Variants in ERVV-2 observed in about 807,000 individuals in gnomAD.
ERVV-2 encodes the protein endogenous retrovirus group V member 2, envelope.
For synonymous variants in ERVV-2, 105 were observed against 184.6 expected (o/e 0.57, Z 3.49); for missense variants, 291 against 495.1 (o/e 0.59, Z 3.91).
intron 1 of ERVV-2, 48 bp from the exon 2 acceptor site, chr19:53,048,819 C>T (rs778814928): frequency 4.8e-5 from 13 of 273,670 alleles, no homozygotes; most frequent in Non-Finnish European, 8.2e-5. Flanking sequence ...TGGGTCTCAA[C>T]TCCCTTATGG....
chr19:53,044,867 A>C lies in ERVV-2; in HGVS notation c.-477A>C, dbSNP rs1181215696. ...TTCTGCGCATCTCTTGACTGAATCC[A>C]AGAAGACCAAGAACCAGAGGACTTC... On this transcript the variant is annotated 5_prime_UTR_variant, in exon 1 of 2. Transcript: ENST00000601417. The C allele has an allele frequency of 3.3e-5, 5 of 152,114 alleles. No individual in the cohort carries two copies. Among genetic ancestry groups the C allele is most frequent in the Admixed American group, 3.3e-4 (5 of 15,260 alleles). 9.4% of individuals were successfully genotyped at this position (152,114 alleles called of 1,614,324 possible).
chr19:53,050,842 G>A lies in ERVV-2; in HGVS notation c.1591G>A (p.Glu531Lys). The A allele has an allele frequency of 2.6e-6, 4 of 1,532,148 alleles. No homozygotes were observed. Among genetic ancestry groups the A allele is most frequent in the Non-Finnish European group, 3.5e-6 (4 of 1,145,374 alleles). The allele number at this position is 1,532,148 out of a possible 1,614,324, so 94.9% of individuals were successfully genotyped here. A position where few individuals can be genotyped will look rare whatever the true frequency, so the allele number is the denominator to read the frequency against. The change falls in exon 2 of 2, where the codon GAG becomes AAG. Residue 531 changes from glutamate (E) to lysine (K), a missense_variant. By Grantham distance (56) the Glu-to-Lys change is moderately conservative (BLOSUM62 1). Coordinates refer to ENST00000601417, the MANE Select transcript of ERVV-2 (RefSeq NM_001191055.2). ...TGGGCAAAGATTCCGGGAAACTATGGAGGAATTTTCTCTCTGAGACAGAGC... is the reference window on the plus strand; with the variant it reads ...TGGGCAAAGATTCCGGGAAACTATGAAGGAATTTTCTCTCTGAGACAGAGC... Reference protein sequence around the residue: ...ASGQRFRETMEEFSL With the variant: ...ASGQRFRETMKEFSL
intron 1 of ERVV-2, among the ~76,000 whole-genome samples, chr19:53,046,447 G>A (rs1418775602): frequency 1.3e-5 from 2 of 152,162 alleles, no homozygotes; most frequent in African/African-American, 4.8e-5. Context: ...ATGGGCCACA[G>A]GAGACTGCTT....
intron 1 of ERVV-2, among the ~76,000 whole-genome samples, chr19:53,045,592 C>T (rs957806700): frequency 6.6e-6 from 1 of 152,102 alleles, no homozygotes; most frequent in Non-Finnish European, 1.5e-5. Flanking sequence ...TGAGCCACTG[C>T]GACCGGCGCA....
chr19:53,048,810 G>A (rs2083900514), intron 1 of ERVV-2, 57 bp from the exon 2 acceptor site: 1 of 263,626 alleles, frequency 3.8e-6, no homozygotes, highest in Non-Finnish European at 7.1e-6. Flanking sequence ...TGGGTCATCT[G>A]GGTCTCAACT....
chr19:53,048,766 A>G (rs2083900399), intron 1 of ERVV-2, 101 bp from the exon 2 acceptor site: 1 of 226,694 alleles, frequency 4.4e-6, no homozygotes, highest in Non-Finnish European at 8.6e-6. Flanking sequence ...ATCAACACCC[A>G]TTATACCAAC....
intron 1 of ERVV-2, among the ~76,000 whole-genome samples, chr19:53,047,512 G>T: frequency 6.6e-6 from 1 of 152,178 alleles, no homozygotes; most frequent in Admixed American, 6.5e-5. Context: ...AGAGTGGAAG[G>T]CATCACTGCT....
Position 53,049,028 on chromosome 19 carries a change from G to A in ERVV-2, c.-224G>A. 1.5e-6 allele frequency: 1 copy of A among 654,470 alleles called. No homozygotes were observed. The highest frequency in any genetic ancestry group is 2.0e-5 in the South Asian group (1 of 49,900). The allele number at this position is 654,470 out of a possible 1,614,324, so 40.5% of individuals were successfully genotyped here. Reference sequence around the variant, plus strand: ...CACTTCAAGTGAAAAGATAAGTAAAGCCTTCTCTCTGTTCACCCAAAACTA... The same window carrying A: ...CACTTCAAGTGAAAAGATAAGTAAAACCTTCTCTCTGTTCACCCAAAACTA... On this transcript the variant is annotated 5_prime_UTR_variant, in exon 2 of 2. Transcript: ENST00000601417.
At chr19:53,045,816 G>A (rs2083888794) in intron 1 of ERVV-2, among the ~76,000 whole-genome samples, 1 of 152,110 alleles carries the variant, frequency 6.6e-6, no homozygotes, top group African/African-American at 2.4e-5. Flanking sequence ...TCCAGGACCT[G>A]CTGCGTTTGC....
rs1254247078 is a variant in ERVV-2, at chr19:53,050,701, T to G, written c.1450T>G (p.Cys484Gly). 3.3e-6 allele frequency: 5 copies of G among 1,531,794 alleles called. No individual in the cohort carries two copies. The allele number at this position is 1,531,794 out of a possible 1,614,324, so 94.9% of individuals were successfully genotyped here. ...GPCFFNLLIK[C>G]VSSRIKQFHM... ...TTGTTTCTTTAATTTACTGATTAAG[T>G]GTGTCTCTTCTAGGATAAAGCAATT... Residue 484 changes from cysteine (C) to glycine (G), a missense_variant, in exon 2 of 2, where the codon TGT becomes GGT. By Grantham distance (159) the Cys-to-Gly change is radical. Transcript: ENST00000601417.
At position 53,051,013 on chromosome 19, in the gene ERVV-2, A is replaced by AGGCAGGCAGGTAG. The variant is rs377342587; in HGVS notation, c.*155_*156insGCAGGCAGGTAGG. ...TAGGGTAGGCAGGTAGGCAGGCATG[A>AGGCAGGCAGGTAG]GCAGGCAAGAGAGCCCTTGGGAAAG... On this transcript the variant is annotated 3_prime_UTR_variant, in exon 2 of 2. Coordinates refer to ENST00000601417, the MANE Select transcript of ERVV-2 (RefSeq NM_001191055.2). 5 of 705,144 alleles carry AGGCAGGCAGGTAG rather than the reference A, an allele frequency of 7.1e-6. No homozygotes were observed. In the Admixed American group the frequency reaches 1.6e-4, roughly 22 times the overall value. The allele number at this position is 705,144 out of a possible 1,614,324, so 43.7% of individuals were successfully genotyped here.
In ERVV-2 at chr19:53,050,813, C is replaced by T. The variant is rs2083910396; in HGVS notation, c.1562C>T (p.Ala521Val). The T allele has an allele frequency of 6.5e-7, 1 of 1,535,012 alleles. No homozygotes were observed. Among genetic ancestry groups the T allele is most frequent in the Admixed American group, 2.0e-5 (1 of 50,768 alleles). The change falls in exon 2 of 2, where the codon GCC becomes GTC. Residue 521 changes from alanine (A) to valine (V), a missense_variant. By Grantham distance (64) the Ala-to-Val change is moderately conservative. Transcript: ENST00000601417. ...TATAAGCACATCTCCCCCTTGGATG[C>T]CAGTGGGCAAAGATTCCGGGAAACT... ...STYKHISPLDASGQRFRETME... is the reference protein window; with the variant it reads ...STYKHISPLDVSGQRFRETME...
chr19:53,045,118 T>C lies in ERVV-2; in HGVS notation c.-386+160T>C, dbSNP rs571666902. ...AACGACTGCCCAGTACCATTTCCCTTCAGCCACTGTCACTCTGCTCCCTCT... is the reference window on the plus strand; with the variant it reads ...AACGACTGCCCAGTACCATTTCCCTCCAGCCACTGTCACTCTGCTCCCTCT... On this transcript the variant is annotated intron_variant, in intron 1 of 1. Transcript: ENST00000601417. Among the ~76,000 whole-genome samples the C allele has an allele frequency of 6.6e-5, 10 of 152,308 alleles. No individual in the cohort carries two copies. In the East Asian group the frequency reaches 1.9e-3, roughly 29 times the overall value.
Position 53,049,035 on chromosome 19 carries a change from C to G in ERVV-2, c.-217C>G. 1.5e-6 allele frequency: 1 copy of G among 673,562 alleles called. No homozygotes were observed. The highest frequency in any genetic ancestry group is 2.0e-5 in the South Asian group (1 of 50,366). 41.7% of individuals were successfully genotyped at this position (673,562 alleles called of 1,614,324 possible). A position where few individuals can be genotyped will look rare whatever the true frequency, so the allele number is the denominator to read the frequency against. ...AGTGAAAAGATAAGTAAAGCCTTCT[C>G]TCTGTTCACCCAAAACTAAAGTCAA... On this transcript the variant is annotated 5_prime_UTR_variant, in exon 2 of 2. Coordinates refer to ENST00000601417, the MANE Select transcript of ERVV-2 (RefSeq NM_001191055.2).
intron 1 of ERVV-2, among the ~76,000 whole-genome samples, chr19:53,047,986 G>C (rs1284648473): frequency 1.3e-5 from 2 of 152,138 alleles, no homozygotes; most frequent in Admixed American, 6.6e-5. Flanking sequence ...AAATCTTCAT[G>C]ATCTCGTGGG....
chr19:53,045,602 A>G (rs1039166423), intron 1 of ERVV-2, among the ~76,000 whole-genome samples: 1 of 152,114 alleles, frequency 6.6e-6, no homozygotes, highest in African/African-American at 2.4e-5. Flanking sequence ...CGACCGGCGC[A>G]TATCTTTTAA....
In ERVV-2 at chr19:53,044,809, T is replaced by TC. The variant is rs1381763659; in HGVS notation, c.-534dup. 2 of 152,116 alleles carry TC rather than the reference T, an allele frequency of 1.3e-5. No individual in the cohort carries two copies. The highest frequency in any genetic ancestry group is 2.9e-5 in the Non-Finnish European group (2 of 68,044). The allele number at this position is 152,116 out of a possible 1,614,324, so 9.4% of individuals were successfully genotyped here. On this transcript the variant is annotated 5_prime_UTR_variant, in exon 1 of 2. Coordinates refer to ENST00000601417, the MANE Select transcript of ERVV-2 (RefSeq NM_001191055.2). Reference sequence around the variant, plus strand: ...TGTCGCTTCTTTCTGAGCTCCTGTCTCTTTAAATGAAGGGCATTTACCCTT... The same window carrying TC: ...TGTCGCTTCTTTCTGAGCTCCTGTCTCCTTTAAATGAAGGGCATTTACCCTT...
chr19:53,045,726 A>G (rs1410111017), intron 1 of ERVV-2, among the ~76,000 whole-genome samples: 3 of 151,688 alleles, frequency 2.0e-5, no homozygotes, highest in African/African-American at 7.3e-5. Context: ...CACTCTGCTT[A>G]CTCTTTGCTG....
intron 1 of ERVV-2, among the ~76,000 whole-genome samples, chr19:53,048,404 A>G (rs1033545452): frequency 2.0e-5 from 3 of 151,612 alleles, no homozygotes; most frequent in Admixed American, 2.0e-4. Context: ...AAGGCCAGCC[A>G]CAGTGGCTCA....
Sources: allele counts gnomAD v4.1 joint callset (sites outside exome capture counted in the v4.1 genomes callset), GRCh38; gene constraint gnomAD v4.1.1; transcripts MANE v1.5; gene names NCBI Gene and HGNC (gene_info 2026-07-23, HGNC 2026-07-21).